GPR158: variants seen among roughly 807,000 people sequenced by gnomAD.
The protein encoded by GPR158 is G protein-coupled receptor 158.
A neutral mutation model predicts 78.2 loss-of-function variants in GPR158; 30 were observed. That is an observed-to-expected ratio of 0.38 (90% CI 0.29 to 0.52). The LOEUF (loss-of-function observed/expected upper bound fraction) is 0.52. GPR158 is among the 20% of genes least tolerant of loss of function. The pLI, the probability that GPR158 is intolerant of heterozygous loss-of-function variation, is 0.83. For missense variants in GPR158, 1,463 were observed against 1,523.5 expected, an observed-to-expected ratio of 0.96 and a Z score of 0.66; for synonymous variants, 581 against 591.1, an observed-to-expected ratio of 0.98 and a Z score of 0.25.
At chr10:25,428,811 C>T (rs1013091739) in intron 4 of GPR158, among the ~76,000 whole-genome samples, 1 of 151,968 alleles carries the variant, frequency 6.6e-6, no homozygotes, top group Admixed American at 6.6e-5. Context: ...TAACGCGACG[C>T]TTGATTTTAT....
chr10:25,286,261 T>G (rs1469909404), intron 2 of GPR158, among the ~76,000 whole-genome samples: 4 of 152,104 alleles, frequency 2.6e-5, no homozygotes, highest in Admixed American at 2.6e-4. Context: ...TTTTGATCCT[T>G]CCCCTTGCCT....
intron 1 of GPR158, among the ~76,000 whole-genome samples, chr10:25,200,868 G>A (rs555280840): frequency 8.8e-6 from 1 of 113,304 alleles, no homozygotes; most frequent in Admixed American, 9.2e-5. Context: ...TTTTTGTTTT[G>A]TTTTTTTTTT....
At chr10:25,243,983 A>G (rs1049935574) in intron 2 of GPR158, 33 of 152,202 alleles carry the variant, frequency 2.2e-4, no homozygotes, top group Admixed American at 1.0e-3. Flanking sequence ...GCTATATAAT[A>G]TTAGAGGAGA....
intron 5 of GPR158, among the ~76,000 whole-genome samples, chr10:25,489,679 T>G (rs1376114398): frequency 5.9e-5 from 9 of 152,126 alleles, no homozygotes; most frequent in Non-Finnish European, 1.0e-4. Context: ...TTCCTTAGAC[T>G]GCTGCCTTCC....
chr10:25,221,429 A>AT (rs1231271437), intron 2 of GPR158, among the ~76,000 whole-genome samples: 6 of 152,236 alleles, frequency 3.9e-5, no homozygotes, highest in African/African-American at 1.4e-4. Context: ...TGGGCTGGAA[A>AT]TTTAAAATAG....
At chr10:25,493,162 A>C (rs1255918673) in intron 5 of GPR158, among the ~76,000 whole-genome samples, 2 of 152,182 alleles carry the variant, frequency 1.3e-5, no homozygotes, top group East Asian at 1.9e-4. Context: ...TAGTTGAGTC[A>C]TGAGTGCCTT....
chr10:25,460,194 CTTT>C (rs778099736), intron 4 of GPR158, among the ~76,000 whole-genome samples: 4 of 143,458 alleles, frequency 2.8e-5, no homozygotes, highest in African/African-American at 7.6e-5. Context: ...CAGAGATTTT[CTTT>C]TTTTTTTTTT....
At chr10:25,305,779 A>G (rs1288619365) in intron 2 of GPR158, among the ~76,000 whole-genome samples, 2 of 152,210 alleles carry the variant, frequency 1.3e-5, no homozygotes, top group South Asian at 2.1e-4. Context: ...TAAATCATAA[A>G]TATGGCTTGG....
At chr10:25,293,892 C>T (rs1031851399) in intron 2 of GPR158, among the ~76,000 whole-genome samples, 1 of 151,786 alleles carries the variant, frequency 6.6e-6, no homozygotes, top group African/African-American at 2.4e-5. Flanking sequence ...ATTATAGGCA[C>T]CCACCACCAT....
intron 3 of GPR158, among the ~76,000 whole-genome samples, chr10:25,403,844 T>C (rs539351290): frequency 6.6e-6 from 1 of 152,208 alleles, no homozygotes; most frequent in East Asian, 1.9e-4. Flanking sequence ...GTATTATAGA[T>C]CAGTTAATTT....
chr10:25,238,930 T>C (rs1464531172), intron 2 of GPR158, among the ~76,000 whole-genome samples: 2 of 152,194 alleles, frequency 1.3e-5, no homozygotes, highest in Non-Finnish European at 1.5e-5. Flanking sequence ...TTCCTCAACT[T>C]TGTAACTGAA....
At chr10:25,299,401 T>C (rs1235513168) in intron 2 of GPR158, among the ~76,000 whole-genome samples, 1 of 152,226 alleles carries the variant, frequency 6.6e-6, no homozygotes, top group Non-Finnish European at 1.5e-5. Flanking sequence ...CTATTTTTCC[T>C]GTTCTCCCAT....
intron 2 of GPR158, among the ~76,000 whole-genome samples, chr10:25,336,588 C>T (rs1436173547): frequency 6.6e-6 from 1 of 152,018 alleles, no homozygotes; most frequent in Non-Finnish European, 1.5e-5. Context: ...ACAGCTCTAA[C>T]TAATGAGACC....
intron 2 of GPR158, among the ~76,000 whole-genome samples, chr10:25,282,760 A>T (rs921437891): frequency 6.6e-6 from 1 of 152,174 alleles, no homozygotes; most frequent in East Asian, 1.9e-4. Flanking sequence ...TGCCATTCAT[A>T]CATCTTATTG....
intron 4 of GPR158, among the ~76,000 whole-genome samples, chr10:25,430,878 C>T (rs1834892761): frequency 6.6e-6 from 1 of 151,864 alleles, no homozygotes; most frequent in Admixed American, 6.6e-5. Context: ...CGATTAAAGA[C>T]TTAACCGTTA....
intron 4 of GPR158, among the ~76,000 whole-genome samples, chr10:25,417,938 G>A (rs764147768): frequency 9.2e-5 from 14 of 152,128 alleles, no homozygotes; most frequent in Non-Finnish European, 2.1e-4. Flanking sequence ...TATGTGCACC[G>A]TATGTCATTG....
At chr10:25,425,253 C>A (rs370220714) in intron 4 of GPR158, among the ~76,000 whole-genome samples, 18 of 151,730 alleles carry the variant, frequency 1.2e-4, no homozygotes, top group East Asian at 1.2e-3. Context: ...TTGAAGGATT[C>A]TCCACACTGT....
chr10:25,386,578 A>T (rs1187437464), intron 2 of GPR158, among the ~76,000 whole-genome samples: 1 of 132,932 alleles, frequency 7.5e-6, no homozygotes, highest in Non-Finnish European at 1.7e-5. Context: ...TGTTGCAATG[A>T]ACACTGGATG....
intron 5 of GPR158, among the ~76,000 whole-genome samples, chr10:25,516,012 C>T (rs1464717186): frequency 6.6e-6 from 1 of 150,726 alleles, no homozygotes; most frequent in African/African-American, 2.4e-5. Context: ...CCTATTTCTC[C>T]ACATCCTCTC....
Sources: gnomAD v4.1 joint callset for allele counts (sites outside exome capture counted in the v4.1 genomes callset) on GRCh38, gnomAD v4.1.1 for gene constraint, MANE v1.5 for transcripts, NCBI Gene and HGNC (gene_info 2026-07-23, HGNC 2026-07-21) for gene names.